Variants in ZPBP observed in about 807,000 individuals in gnomAD.
ZPBP encodes the protein zona pellucida binding protein.
A neutral mutation model predicts 44.8 loss-of-function variants in ZPBP; 26 were observed. The observed-to-expected ratio is 0.58, with a 90% CI of 0.43 to 0.81. The LOEUF is 0.81. Among genes scored for constraint, ZPBP ranks in the 30% least tolerant of loss-of-function variants. The pLI is 0.00. For synonymous variants in ZPBP, 174 were observed against 153.2 expected (o/e 1.14, Z -1.00); for missense variants, 409 against 434.0 (o/e 0.94, Z 0.51).
At chr7:50,054,526 G>A (rs1394698176) in intron 4 of ZPBP, among the ~76,000 whole-genome samples, 1 of 151,984 alleles carries the variant, frequency 6.6e-6, no homozygotes, top group Non-Finnish European at 1.5e-5. Flanking sequence ...TTTATACCTA[G>A]TGTCTTGCCA....
chr7:50,005,370 G>A (rs1461182627), intron 6 of ZPBP, among the ~76,000 whole-genome samples: 1 of 151,936 alleles, frequency 6.6e-6, no homozygotes, highest in East Asian at 1.9e-4. Flanking sequence ...ACCCTGCATT[G>A]TTGTAATTTT....
At chr7:50,071,327 A>G (rs925778821) in intron 3 of ZPBP, among the ~76,000 whole-genome samples, 1 of 152,184 alleles carries the variant, frequency 6.6e-6, no homozygotes, top group African/African-American at 2.4e-5. Flanking sequence ...AGCCCAAACC[A>G]GAAGAGAATC....
chr7:50,055,426 A>T (rs541564084), intron 4 of ZPBP, among the ~76,000 whole-genome samples: 19 of 152,306 alleles, frequency 1.2e-4, no homozygotes, highest in African/African-American at 4.6e-4. Flanking sequence ...TCTGGTCTTC[A>T]TCCTGCTGGC....
rs541893630 is a variant in ZPBP, at chr7:49,851,843, A to C, written n.510-1329T>G. ...TGCACTCCAGCCTGGGAGACAGAGC[A>C]AGACTCTGTCTAAAAAAAAAAAAAA... On this transcript the variant is annotated intron_variant and non_coding_transcript_variant, in intron 2 of 2. Transcript: ENST00000465922. Among the ~76,000 whole-genome samples, 491 of 152,012 alleles carry C rather than the reference A, an allele frequency of 3.2e-3. 7 individuals are homozygous for C. The highest frequency in any genetic ancestry group is 0.011 in the African/African-American group (457 of 41,462).
intron 2 of ZPBP, among the ~76,000 whole-genome samples, chr7:49,894,011 TG>T: frequency 6.6e-6 from 1 of 152,216 alleles, no homozygotes. Context: ...TGTGTCATTC[TG>T]GTGTGACGAA....
intron 2 of ZPBP, among the ~76,000 whole-genome samples, chr7:49,856,484 C>A (rs747246441): frequency 6.6e-6 from 1 of 152,168 alleles, no homozygotes; most frequent in Non-Finnish European, 1.5e-5. Context: ...AAATATACTT[C>A]TTTTCTTTAA....
At chr7:50,013,709 T>C (rs1288296666) in intron 6 of ZPBP, among the ~76,000 whole-genome samples, 1 of 152,218 alleles carries the variant, frequency 6.6e-6, no homozygotes, top group African/African-American at 2.4e-5. Flanking sequence ...ATGTCAGAGA[T>C]GACCCCGATA....
chr7:49,968,739 A>G (rs1796162066), intron 7 of ZPBP, among the ~76,000 whole-genome samples: 1 of 152,020 alleles, frequency 6.6e-6, no homozygotes, highest in Non-Finnish European at 1.5e-5. Context: ...TTGCAATTAC[A>G]CTCATAATAT....
chr7:50,014,393 A>G (rs531206798), intron 6 of ZPBP, among the ~76,000 whole-genome samples: 100 of 151,580 alleles, frequency 6.6e-4, no homozygotes, highest in African/African-American at 2.3e-3. Flanking sequence ...GACAAAACAG[A>G]GAAGAGTGGA....
intron 7 of ZPBP, among the ~76,000 whole-genome samples, chr7:49,964,280 A>C (rs1272921351): frequency 2.0e-5 from 3 of 151,976 alleles, no homozygotes; most frequent in African/African-American, 7.2e-5. Flanking sequence ...TATTTACTTA[A>C]GGCTCTAGGC....
At chr7:49,951,142 C>G (rs1041374935) in intron 7 of ZPBP, among the ~76,000 whole-genome samples, 2 of 151,662 alleles carry the variant, frequency 1.3e-5, no homozygotes, top group African/African-American at 4.8e-5. Context: ...AGGGGTAAGT[C>G]TTCATGATTT....
intron 7 of ZPBP, among the ~76,000 whole-genome samples, chr7:49,946,496 C>G (rs990454325): frequency 6.6e-6 from 1 of 151,334 alleles, no homozygotes; most frequent in African/African-American, 2.4e-5. Context: ...TCTTTTTTTT[C>G]CTTCAGCAAT....
At chr7:50,070,891 T>C (rs963446849) in intron 3 of ZPBP, among the ~76,000 whole-genome samples, 1 of 152,158 alleles carries the variant, frequency 6.6e-6, no homozygotes, top group African/African-American at 2.4e-5. Context: ...GCTGCACAGC[T>C]AGAAAAACAG....
chr7:49,853,567 C>A (rs1790285310), intron 2 of ZPBP, among the ~76,000 whole-genome samples: 1 of 151,666 alleles, frequency 6.6e-6, no homozygotes, highest in Non-Finnish European at 1.5e-5. Flanking sequence ...GACTATAAAC[C>A]CTATAATGAG....
intron 5 of ZPBP, among the ~76,000 whole-genome samples, chr7:50,020,410 C>A (rs1799034691): frequency 6.6e-6 from 1 of 151,988 alleles, no homozygotes; most frequent in Non-Finnish European, 1.5e-5. Flanking sequence ...TCAGTATACA[C>A]AAAAGATTGC....
chr7:49,958,938 A>G (rs1489398067), intron 7 of ZPBP, among the ~76,000 whole-genome samples: 1 of 152,182 alleles, frequency 6.6e-6, no homozygotes, highest in East Asian at 1.9e-4. Flanking sequence ...AATACTCTTG[A>G]AAAAGGTATA....
chr7:49,891,607 T>C (rs1337293737), intron 2 of ZPBP, among the ~76,000 whole-genome samples: 2 of 152,088 alleles, frequency 1.3e-5, no homozygotes, highest in Non-Finnish European at 2.9e-5. Flanking sequence ...CGATAAAATA[T>C]AACAATAAAA....
intron 2 of ZPBP, among the ~76,000 whole-genome samples, chr7:49,855,023 C>T (rs1296926865): frequency 6.6e-6 from 1 of 152,118 alleles, no homozygotes; most frequent in South Asian, 2.1e-4. Flanking sequence ...ATTAGCCTGC[C>T]TCTTTGAGAG....
At position 49,877,481 on chromosome 7, in the gene ZPBP, A is replaced by AAAAATATACATATATATAT; in HGVS notation, n.509+23636_509+23637insATATATATATGTATATTTT. 3.6e-3 allele frequency among the ~76,000 whole-genome samples: 46 copies of AAAAATATACATATATATAT among 12,728 alleles called. 16 individuals are homozygous for AAAAATATACATATATATAT. The highest frequency in any genetic ancestry group is 0.017 in the East Asian group (3 of 180). 8.4% of individuals were successfully genotyped at this position (12,728 alleles called of 152,430 possible). A position where few individuals can be genotyped will look rare whatever the true frequency, so the allele number is the denominator to read the frequency against. ...CTGTCTCAAAAAAAAAAAAAAAAAA[A>AAAAATATACATATATATAT]ATATATATATATATATATATATATA... On this transcript the variant is annotated intron_variant and non_coding_transcript_variant, in intron 2 of 2. Transcript: ENST00000465922.
Sources: gnomAD v4.1 joint callset for allele counts (sites outside exome capture counted in the v4.1 genomes callset) on GRCh38, gnomAD v4.1.1 for gene constraint, MANE v1.5 for transcripts, NCBI Gene and HGNC (gene_info 2026-07-23, HGNC 2026-07-21) for gene names.